FGL1: variants seen among roughly 807,000 people sequenced by gnomAD.
FGL1 encodes the protein fibrinogen-like protein 1.
FGL1 carries 59 observed loss-of-function variants against 43.7 expected under a neutral mutation model. That is an observed-to-expected ratio of 1.35 (90% CI 1.10 to 1.68). The LOEUF is 1.68. Ranked by LOEUF, FGL1 falls within the 40% of genes most tolerant of loss-of-function variation. The pLI is 0.00. For missense variants in FGL1, 596 were observed against 373.0 expected (o/e 1.60, Z -4.92); for synonymous variants, 192 against 126.5 (o/e 1.52, Z -3.48).
chr8:17,876,229 T>G (rs1359446963), intron 3 of FGL1, among the ~76,000 whole-genome samples: 1 of 152,232 alleles, frequency 6.6e-6, no homozygotes, highest in Non-Finnish European at 1.5e-5. Flanking sequence ...ATTTTAAAGA[T>G]GTTTAAAGAT....
chr8:17,873,458 G>C (rs1012337514), intron 5 of FGL1, among the ~76,000 whole-genome samples: 4 of 152,046 alleles, frequency 2.6e-5, no homozygotes. Context: ...GCCCAGCCCT[G>C]ATCAGCAAAA....
intron 1 of FGL1, among the ~76,000 whole-genome samples, chr8:17,892,318 G>A (rs1219464717): frequency 1.3e-5 from 2 of 151,828 alleles, no homozygotes; most frequent in Non-Finnish European, 1.5e-5. Context: ...TTATAAGGAA[G>A]CAAAAGAAAA....
At chr8:17,872,614 A>G (rs1414070183) in intron 5 of FGL1, among the ~76,000 whole-genome samples, 2 of 152,054 alleles carry the variant, frequency 1.3e-5, no homozygotes, top group East Asian at 3.9e-4. Context: ...TTTATTTTTA[A>G]TGCAATTGCA....
At chr8:17,875,533 T>TTCTTTCTCTCTCTC (rs1208572003) in intron 3 of FGL1, among the ~76,000 whole-genome samples, 3 of 11,846 alleles carry the variant, frequency 2.5e-4, no homozygotes, top group African/African-American at 7.0e-4. Flanking sequence ...CTTTCTTTCT[T>TTCTTTCTCTCTCTC]TCTCTTTCTT....
At chr8:17,892,250 G>C (rs994623827) in intron 1 of FGL1, among the ~76,000 whole-genome samples, 1 of 151,762 alleles carries the variant, frequency 6.6e-6, no homozygotes, top group East Asian at 1.9e-4. Flanking sequence ...CATAGTCACA[G>C]ACATACAGTC....
intron 3 of FGL1, among the ~76,000 whole-genome samples, chr8:17,880,291 G>GA (rs1372305624): frequency 6.6e-6 from 1 of 152,058 alleles, no homozygotes; most frequent in Non-Finnish European, 1.5e-5. Context: ...GATCTTGGTA[G>GA]AAAAAAAGGG....
intron 3 of FGL1, among the ~76,000 whole-genome samples, chr8:17,880,749 T>A (rs892983805): frequency 6.6e-6 from 1 of 152,208 alleles, no homozygotes; most frequent in African/African-American, 2.4e-5. Context: ...GCATTCTTTT[T>A]GTTTCTGACA....
chr8:17,886,866 G>C (rs939564718), intron 1 of FGL1, among the ~76,000 whole-genome samples: 1 of 152,056 alleles, frequency 6.6e-6, no homozygotes, highest in Admixed American at 6.6e-5. Flanking sequence ...CATGAGAAGC[G>C]AGAGAAGTCA....
In FGL1 at chr8:17,885,475, T is replaced by A. The variant is rs775490810; in HGVS notation, c.63+17A>T. On this transcript the variant is annotated intron_variant, in intron 2 of 7. Transcript: ENST00000427924. ...CAGGCATTATAAATATGACAATAGT[T>A]TTCCCAAGAAGCTTACCGAAATTTC... 1 of 1,590,750 alleles carries A rather than the reference T, an allele frequency of 6.3e-7. No individual in the cohort carries two copies. Among genetic ancestry groups the A allele is most frequent in the Non-Finnish European group, 8.6e-7 (1 of 1,161,636 alleles).
intron 2 of FGL1, among the ~76,000 whole-genome samples, chr8:17,884,256 A>C (rs2131734194): frequency 6.6e-6 from 1 of 151,686 alleles, no homozygotes; most frequent in East Asian, 1.9e-4. Context: ...CAGTGGTGCG[A>C]TCTCGGCTCC....
intron 3 of FGL1, among the ~76,000 whole-genome samples, chr8:17,878,655 A>G (rs1362430067): frequency 6.6e-6 from 1 of 152,224 alleles, no homozygotes; most frequent in Non-Finnish European, 1.5e-5. Context: ...TGCTGTAGAA[A>G]ATCATGTGCC....
At chr8:17,886,781 AGAGAG>A (rs61063668) in intron 1 of FGL1, among the ~76,000 whole-genome samples, 28,229 of 150,150 alleles carry the variant, frequency 0.19, 5,709 homozygotes, top group African/African-American at 0.51. Flanking sequence ...TGAGAGGAGA[AGAGAG>A]GAGAGGAGAG....
intron 2 of FGL1, among the ~76,000 whole-genome samples, chr8:17,884,266 C>G (rs1585145918): frequency 6.6e-6 from 1 of 151,574 alleles, no homozygotes. Flanking sequence ...ATCTCGGCTC[C>G]CTGCAACCTC....
chr8:17,891,485 CATTGG>C lies in FGL1; in HGVS notation c.-18+3957_-18+3961del, dbSNP rs1307123408. 4 of 155,552 alleles carry C rather than the reference CATTGG, an allele frequency of 2.6e-5. No individual in the cohort carries two copies. The East Asian group carries it at 7.7e-4, about 30-fold the overall frequency. 9.6% of individuals were successfully genotyped at this position (155,552 alleles called of 1,614,324 possible). ...TCCCTCTTCATATAAGGACATCGGTCATTGGATTAGGGTCTGCCCTAATCCAGTAT... is the reference window on the plus strand; with the variant it reads ...TCCCTCTTCATATAAGGACATCGGTCATTAGGGTCTGCCCTAATCCAGTAT... On this transcript the variant is annotated intron_variant, in intron 1 of 7. Transcript: ENST00000427924.
Position 17,869,191 on chromosome 8 carries a change from G to GA in FGL1, c.503-188dup, listed in dbSNP as rs541923505. On this transcript the variant is annotated intron_variant, in intron 5 of 7. Coordinates refer to ENST00000427924, the MANE Select transcript of FGL1 (RefSeq NM_004467.4). ...GAACATTTTATCGTGTAATTTATTTGAAAAAAAATGATGGATACAATATTA... is the reference window on the plus strand; with the variant it reads ...GAACATTTTATCGTGTAATTTATTTGAAAAAAAAATGATGGATACAATATTA... Among the ~76,000 whole-genome samples the GA allele has an allele frequency of 1.5e-4, 23 of 151,342 alleles. 1 individual carries two copies. The East Asian group carries it at 2.3e-3, about 15-fold the overall frequency.
intron 3 of FGL1, among the ~76,000 whole-genome samples, chr8:17,878,544 T>A (rs1456384479): frequency 1.3e-5 from 2 of 152,116 alleles, no homozygotes; most frequent in Non-Finnish European, 2.9e-5. Flanking sequence ...ACGCCAGATT[T>A]TTGTTCTTGC....
At chr8:17,887,808 C>T (rs1208086016) in intron 1 of FGL1, among the ~76,000 whole-genome samples, 1 of 150,166 alleles carries the variant, frequency 6.7e-6, no homozygotes, top group Admixed American at 6.7e-5. Context: ...GCACTCCAGC[C>T]CAGGTGACAG....
intron 5 of FGL1, among the ~76,000 whole-genome samples, chr8:17,869,435 G>T (rs1163803289): frequency 6.6e-6 from 1 of 152,164 alleles, no homozygotes; most frequent in Non-Finnish European, 1.5e-5. Context: ...ATCTCTAGTA[G>T]CTGAGCCACT....
At chr8:17,884,257 T>A (rs1472114419) in intron 2 of FGL1, among the ~76,000 whole-genome samples, 1 of 152,124 alleles carries the variant, frequency 6.6e-6, no homozygotes, top group East Asian at 1.9e-4. Context: ...AGTGGTGCGA[T>A]CTCGGCTCCC....
Sources: gnomAD v4.1 joint callset for allele counts (sites outside exome capture counted in the v4.1 genomes callset) on GRCh38, gnomAD v4.1.1 for gene constraint, MANE v1.5 for transcripts, NCBI Gene and HGNC (gene_info 2026-07-23, HGNC 2026-07-21) for gene names.